Variants in TMEM116 observed in about 807,000 individuals in gnomAD.
The protein encoded by TMEM116 is transmembrane protein 116.
A neutral mutation model predicts 44.3 loss-of-function variants in TMEM116; 38 were observed. The ratio of observed to expected loss-of-function variants is 0.86; its 90% CI spans 0.66 to 1.12. The LOEUF is 1.12. TMEM116 is among the 50% of genes most tolerant of loss of function. TMEM116 has a pLI of 0.00. For synonymous variants in TMEM116, 132 were observed against 144.8 expected, an observed-to-expected ratio of 0.91 and a Z score of 0.64; for missense variants, 354 against 401.7, an observed-to-expected ratio of 0.88 and a Z score of 1.01.
chr12:111,994,444 G>A (rs955950893), intron 3 of TMEM116, among the ~76,000 whole-genome samples: 1 of 152,146 alleles, frequency 6.6e-6, no homozygotes, highest in African/African-American at 2.4e-5. Context: ...GGTCCAGGGC[G>A]TCACCGCCTT....
intron 4 of TMEM116, among the ~76,000 whole-genome samples, chr12:111,963,322 G>A (rs2074738679): frequency 6.6e-6 from 1 of 152,070 alleles, no homozygotes; most frequent in Non-Finnish European, 1.5e-5. Context: ...CCCATTACTG[G>A]GTATATACCC....
At chr12:111,934,303 C>T (rs1452973891) in intron 8 of TMEM116, 2 of 329,252 alleles carry the variant, frequency 6.1e-6, no homozygotes, top group Non-Finnish European at 1.1e-5. Flanking sequence ...TGGGCATTTC[C>T]CCCCACTGAG....
At chr12:111,961,290 C>T (rs1435334639) in intron 4 of TMEM116, among the ~76,000 whole-genome samples, 1 of 152,096 alleles carries the variant, frequency 6.6e-6, no homozygotes, top group Non-Finnish European at 1.5e-5. Flanking sequence ...TTTCAAACAA[C>T]AGAAAAAGAG....
At chr12:111,944,200 C>T in intron 4 of TMEM116, among the ~76,000 whole-genome samples, 1 of 151,828 alleles carries the variant, frequency 6.6e-6, no homozygotes, top group East Asian at 1.9e-4. Flanking sequence ...GATGAGATAA[C>T]AGGAATAGAA....
At position 111,932,600 on chromosome 12, in the gene TMEM116, G is replaced by A. The variant is rs757030334; in HGVS notation, c.793C>T (p.Leu265Phe). ...GAAGGTGTTACCTGGAGAACATAAA[G>A]GGCCATGTGAAGCTTGGTGTCCTGT... ...KPQDTKLHMALYVLQALTATS... is the reference protein window; with the variant it reads ...KPQDTKLHMAFYVLQALTATS... The change falls in exon 10 of 11, where the codon CTT becomes TTT. Residue 265 changes from leucine (L) to phenylalanine (F), a missense_variant. By Grantham distance (22) the Leu-to-Phe change is conservative. Transcript: ENST00000552374. 2.5e-6 allele frequency: 4 copies of A among 1,614,050 alleles called. No individual in the cohort carries two copies. In the East Asian group the frequency reaches 6.7e-5, roughly 27 times the overall value.
At chr12:111,960,662 G>A (rs2074517330) in intron 4 of TMEM116, among the ~76,000 whole-genome samples, 1 of 151,940 alleles carries the variant, frequency 6.6e-6, no homozygotes, top group African/African-American at 2.4e-5. Flanking sequence ...AGAATCTTTG[G>A]GACACAGCCA....
chr12:112,003,960 A>G (rs2077430302), intron 2 of TMEM116, 97 bp from the exon 3 acceptor site: 1 of 1,386,962 alleles, frequency 7.2e-7, no homozygotes, highest in Non-Finnish European at 9.3e-7. Context: ...TTTTATTGGC[A>G]TAATTGATAT....
At chr12:112,006,291 GGATT>G (rs2077581041) in intron 1 of TMEM116, among the ~76,000 whole-genome samples, 1 of 152,008 alleles carries the variant, frequency 6.6e-6, no homozygotes, top group African/African-American at 2.4e-5. Context: ...AGAAGGGGCA[GGATT>G]GAGAAAAAAA....
chr12:111,995,857 T>TC (rs2076901836), intron 3 of TMEM116, among the ~76,000 whole-genome samples: 1 of 151,036 alleles, frequency 6.6e-6, no homozygotes, highest in African/African-American at 2.4e-5. Flanking sequence ...ATGGTGAGAC[T>TC]CCATCTCTAC....
intron 4 of TMEM116, among the ~76,000 whole-genome samples, chr12:111,953,813 G>C (rs2073906729): frequency 6.6e-6 from 1 of 151,990 alleles, no homozygotes; most frequent in Admixed American, 6.6e-5. Flanking sequence ...CTCTCTCTCT[G>C]TTATTTAGGC....
intron 1 of TMEM116, among the ~76,000 whole-genome samples, chr12:112,006,902 C>T (rs1400426940): frequency 1.3e-5 from 2 of 152,164 alleles, no homozygotes; most frequent in South Asian, 4.1e-4. Context: ...AAATACATGA[C>T]TAATTTATTC....
At chr12:112,004,429 C>A (rs766887985) in intron 2 of TMEM116, among the ~76,000 whole-genome samples, 1 of 151,668 alleles carries the variant, frequency 6.6e-6, no homozygotes, top group East Asian at 1.9e-4. Flanking sequence ...GAACTACGGG[C>A]ATCTGCTACC....
chr12:111,971,653 A>T (rs1048369721), intron 4 of TMEM116, among the ~76,000 whole-genome samples: 2 of 152,240 alleles, frequency 1.3e-5, no homozygotes, highest in East Asian at 3.8e-4. Context: ...GCAAAATGTT[A>T]GATTCAAGTG....
chr12:112,000,520 A>ATTTT (rs929368885), intron 3 of TMEM116, among the ~76,000 whole-genome samples: 2 of 148,146 alleles, frequency 1.4e-5, no homozygotes, highest in Non-Finnish European at 3.0e-5. Context: ...TCATGATCTG[A>ATTTT]TTTTTTTTTC....
intron 4 of TMEM116, among the ~76,000 whole-genome samples, chr12:111,969,341 T>C (rs2075187872): frequency 6.7e-6 from 1 of 148,944 alleles, no homozygotes; most frequent in Non-Finnish European, 1.5e-5. Context: ...AAAAAAAATC[T>C]ACATTAAACT....
chr12:112,010,844 T>C (rs1005675052), intron 1 of TMEM116: 1 of 152,274 alleles, frequency 6.6e-6, no homozygotes, highest in Admixed American at 6.5e-5. Context: ...AGGAAGTACA[T>C]GCCGATTGGT....
chr12:111,991,671 C>T, intron 4 of TMEM116, 87 bp downstream of exon 4: 3 of 1,331,156 alleles, frequency 2.3e-6, no homozygotes, highest in Non-Finnish European at 2.0e-6. Flanking sequence ...AATACGTCTC[C>T]ACTTCCCAAG....
intron 5 of TMEM116, among the ~76,000 whole-genome samples, chr12:111,941,137 G>T (rs890260846): frequency 4.5e-4 from 69 of 152,204 alleles, no homozygotes; most frequent in Non-Finnish European, 2.9e-5. Flanking sequence ...CAGCACTTTG[G>T]GGGGCTGAGG....
At chr12:111,940,039 G>A (rs1244935187) in intron 5 of TMEM116, among the ~76,000 whole-genome samples, 1 of 151,782 alleles carries the variant, frequency 6.6e-6, no homozygotes, top group African/African-American at 2.4e-5. Flanking sequence ...TTGGGAGGCT[G>A]ATGTGGGTGG....
Sources: allele counts gnomAD v4.1 joint callset (sites outside exome capture counted in the v4.1 genomes callset), GRCh38; gene constraint gnomAD v4.1.1; transcripts MANE v1.5; gene names NCBI Gene and HGNC (gene_info 2026-07-23, HGNC 2026-07-21).